The following MINDY3 variants were observed in gnomAD, a reference collection of about 807,000 sequenced individuals.
MINDY3 encodes the protein ubiquitin carboxyl-terminal hydrolase MINDY-3.
A neutral mutation model predicts 69.2 loss-of-function variants in MINDY3; 38 were observed. The observed-to-expected ratio is 0.55, with a 90% CI of 0.42 to 0.72. MINDY3 has a LOEUF of 0.72. MINDY3 is among the 30% of genes least tolerant of loss of function. The pLI is 0.00. For synonymous variants in MINDY3, 192 were observed against 180.1 expected, an observed-to-expected ratio of 1.07 and a Z score of -0.53; for missense variants, 522 against 519.0, an observed-to-expected ratio of 1.01 and a Z score of -0.06.
chr10:15,843,165 A>G, intron 3 of MINDY3, 47 bp downstream of exon 3: 1 of 1,452,956 alleles, frequency 6.9e-7, no homozygotes, highest in Non-Finnish European at 9.6e-7. Context: ...GATCATCTCT[A>G]TTAAAACAGA....
At chr10:15,813,881 A>T (rs369901147) in intron 10 of MINDY3, among the ~76,000 whole-genome samples, 2 of 152,162 alleles carry the variant, frequency 1.3e-5, no homozygotes, top group African/African-American at 2.4e-5. Flanking sequence ...AGTTTTATAA[A>T]AAAAGACATA....
chr10:15,846,725 ATT>A (rs11455489), intron 2 of MINDY3, among the ~76,000 whole-genome samples: 28 of 141,582 alleles, frequency 2.0e-4, no homozygotes, highest in African/African-American at 2.6e-4. Flanking sequence ...TTAGGAATGC[ATT>A]TTTTTTTTTT....
chr10:15,837,325 G>A lies in MINDY3; in HGVS notation c.462-7C>T, dbSNP rs752638854. On this transcript the variant is annotated splice_region_variant and splice_polypyrimidine_tract_variant and intron_variant, in intron 5 of 14. Coordinates refer to ENST00000277632, the MANE Select transcript of MINDY3 (RefSeq NM_024948.4). ...ACTTCTGAACGATCTTTTTCTGGGG[G>A]AAAAAAAGAATTAAGTATTGGTATC... 2 of 1,558,822 alleles carry A rather than the reference G, an allele frequency of 1.3e-6. No individual in the cohort carries two copies. The highest frequency in any genetic ancestry group is 1.9e-5 in the Admixed American group (1 of 52,712).
At chr10:15,858,805 A>AT (rs1564541540) in intron 1 of MINDY3, among the ~76,000 whole-genome samples, 1 of 152,136 alleles carries the variant, frequency 6.6e-6, no homozygotes, top group African/African-American at 2.4e-5. Context: ...ATGGAAGTAA[A>AT]TTTTTTCTTA....
chr10:15,843,174 G>C (rs994643813), intron 3 of MINDY3, 38 bp downstream of exon 3: 1 of 1,534,866 alleles, frequency 6.5e-7, no homozygotes, highest in African/African-American at 1.4e-5. Context: ...TATTAAAACA[G>C]AGGAGGAAGC....
At chr10:15,799,858 C>A (rs1838130709) in intron 10 of MINDY3, among the ~76,000 whole-genome samples, 2 of 152,140 alleles carry the variant, frequency 1.3e-5, no homozygotes, top group South Asian at 4.1e-4. Context: ...ACACTACGAA[C>A]ACTCACTGTT....
At position 15,834,191 on chromosome 10, in the gene MINDY3, T is replaced by C. The variant is rs534121411; in HGVS notation, c.650+352A>G. 1.1e-3 allele frequency among the ~76,000 whole-genome samples: 167 copies of C among 151,748 alleles called. 1 individual carries two copies. The highest frequency in any genetic ancestry group is 3.8e-3 in the African/African-American group (158 of 41,428). ...TGAGGAGGGTGGTCCGAGAGGAAAATGGGGAATGTTTTTCTCCCAAGCAGA... is the reference window on the plus strand; with the variant it reads ...TGAGGAGGGTGGTCCGAGAGGAAAACGGGGAATGTTTTTCTCCCAAGCAGA... On this transcript the variant is annotated intron_variant, in intron 7 of 14. Coordinates refer to ENST00000277632, the MANE Select transcript of MINDY3 (RefSeq NM_024948.4).
intron 1 of MINDY3, among the ~76,000 whole-genome samples, chr10:15,857,441 C>G (rs1308294408): frequency 6.6e-6 from 1 of 152,134 alleles, no homozygotes; most frequent in Non-Finnish European, 1.5e-5. Flanking sequence ...TCCCACCCTA[C>G]TGACTCTCAA....
At chr10:15,843,049 A>C (rs1833591697) in intron 3 of MINDY3, among the ~76,000 whole-genome samples, 163 bp downstream of exon 3, 1 of 151,940 alleles carries the variant, frequency 6.6e-6, no homozygotes, top group South Asian at 2.1e-4. Context: ...AGAAAGCCAA[A>C]TTTGGAAATA....
chr10:15,807,172 A>G lies in MINDY3; in HGVS notation c.882+9663T>C, dbSNP rs1838691982. On this transcript the variant is annotated intron_variant, in intron 10 of 14. Transcript: ENST00000277632. Reference sequence around the variant, plus strand: ...AATTAGCATACTGCCTAACATACAGACAACATTCAGTAAACACTCACAGTA... The same window carrying G: ...AATTAGCATACTGCCTAACATACAGGCAACATTCAGTAAACACTCACAGTA... 2.0e-5 allele frequency among the ~76,000 whole-genome samples: 3 copies of G among 152,202 alleles called. No homozygotes were observed. The South Asian group carries it at 6.2e-4, about 31-fold the overall frequency.
intron 9 of MINDY3, among the ~76,000 whole-genome samples, chr10:15,818,417 A>G (rs998511087): frequency 6.6e-6 from 1 of 152,184 alleles, no homozygotes; most frequent in Non-Finnish European, 1.5e-5. Flanking sequence ...GAATGCATAA[A>G]TAAGTGTCAT....
chr10:15,803,821 C>G (rs1187786391), intron 10 of MINDY3, among the ~76,000 whole-genome samples: 1 of 152,026 alleles, frequency 6.6e-6, no homozygotes. Flanking sequence ...ACTAATCCTA[C>G]ACTCCCCCAC....
intron 10 of MINDY3, among the ~76,000 whole-genome samples, chr10:15,802,851 A>G (rs17395983): frequency 0.19 from 28,634 of 152,068 alleles, 3,053 homozygotes; most frequent in South Asian, 0.26. Flanking sequence ...GGTCTCAGTC[A>G]TATACTACTA....
rs1483653970 is a variant in MINDY3 at position 15,816,279 on chromosome 10, AAT to A, written c.882+554_882+555del. Among the ~76,000 whole-genome samples the A allele has an allele frequency of 3.5e-4, 49 of 140,328 alleles. 3 individuals are homozygous for A. The highest frequency in any genetic ancestry group is 3.5e-3 in the Middle Eastern group (1 of 282). The allele number at this position is 140,328 out of a possible 152,430, so 92.1% of individuals were successfully genotyped here. A position where few individuals can be genotyped will look rare whatever the true frequency, so the allele number is the denominator to read the frequency against. On this transcript the variant is annotated intron_variant, in intron 10 of 14. Coordinates refer to ENST00000277632, the MANE Select transcript of MINDY3 (RefSeq NM_024948.4). ...CCATCTCAAAAAAAAAAAAAAAAAA[AAT>A]GAAAAAGAAAAAAAATAAAAAAGAC...
rs763121345 is a variant in MINDY3, at chr10:15,847,881, C to T, written c.157G>A (p.Val53Ile). The T allele has an allele frequency of 8.1e-6, 13 of 1,613,654 alleles. No homozygotes were observed. In the Admixed American group the frequency reaches 1.8e-4, roughly 23 times the overall value. ...TATGTTACCTGAACAGGTGCAATAACAGCACAGGGGCCACCTTCAAACTGT... is the reference window on the plus strand; with the variant it reads ...TATGTTACCTGAACAGGTGCAATAATAGCACAGGGGCCACCTTCAAACTGT... ...LEQFEGGPCA[V>I]IAPVQAFLLK... Residue 53 changes from valine (V) to isoleucine (I), a missense_variant, in exon 2 of 15, where the codon GTT becomes ATT. Coordinates refer to ENST00000277632, the MANE Select transcript of MINDY3 (RefSeq NM_024948.4).
intron 10 of MINDY3, among the ~76,000 whole-genome samples, chr10:15,802,784 A>G (rs1838354805): frequency 6.6e-6 from 1 of 152,094 alleles, no homozygotes; most frequent in Non-Finnish European, 1.5e-5. Context: ...TGTCATTACT[A>G]ATACAACAAA....
intron 8 of MINDY3, among the ~76,000 whole-genome samples, chr10:15,831,431 A>G (rs1295077587): frequency 6.6e-6 from 1 of 152,184 alleles, no homozygotes; most frequent in African/African-American, 2.4e-5. Flanking sequence ...ACATTCCAAA[A>G]TGCAAGAAAT....
chr10:15,849,096 A>G (rs187884344), intron 1 of MINDY3, among the ~76,000 whole-genome samples: 1 of 152,362 alleles, frequency 6.6e-6, no homozygotes, highest in African/African-American at 2.4e-5. Flanking sequence ...AACTAATGTT[A>G]TAAGAGAAGA....
chr10:15,831,895 C>T (rs1346085903), intron 8 of MINDY3, among the ~76,000 whole-genome samples: 1 of 152,026 alleles, frequency 6.6e-6, no homozygotes, highest in Non-Finnish European at 1.5e-5. Context: ...AGGCTGGTCT[C>T]GAACTCCTCA....
Sources: allele counts gnomAD v4.1 joint callset (sites outside exome capture counted in the v4.1 genomes callset), GRCh38; gene constraint gnomAD v4.1.1; transcripts MANE v1.5; gene names NCBI Gene and HGNC (gene_info 2026-07-23, HGNC 2026-07-21).